The following DRC3 variants were observed in gnomAD, a reference collection of about 807,000 sequenced individuals.
The protein encoded by DRC3 is leucine rich repeat containing 48.
DRC3 carries 45 observed loss-of-function variants against 57.6 expected under a neutral mutation model. The observed-to-expected ratio is 0.78, with a 90% CI of 0.62 to 1.00. The LOEUF (loss-of-function observed/expected upper bound fraction) is 1.00, where lower values mean the gene tolerates loss of function less well. Ranked by LOEUF, DRC3 falls within the 50% of genes least tolerant of loss-of-function variation. The pLI, the probability that DRC3 is intolerant of heterozygous loss-of-function variation, is 0.00. For missense variants in DRC3, 655 were observed against 675.2 expected (o/e 0.97, Z 0.33); for synonymous variants, 257 against 272.3 (o/e 0.94, Z 0.55).
In DRC3 at chr17:18,016,815, T is replaced by C; in HGVS notation, c.*144T>C. 6.2e-6 allele frequency: 3 copies of C among 485,640 alleles called. No homozygotes were observed. The highest frequency in any genetic ancestry group is 1.1e-5 in the Non-Finnish European group (3 of 272,928). The allele number at this position is 485,640 out of a possible 1,614,324, so 30.1% of individuals were successfully genotyped here. A position where few individuals can be genotyped will look rare whatever the true frequency, so the allele number is the denominator to read the frequency against. ...CCCAACACCATTCTTCCCCCACCCC[T>C]GGAAAAACTTCCAAAAGTAGAGAAA... is the stretch of plus-strand genomic sequence containing the variant. On this transcript the variant is annotated 3_prime_UTR_variant, in exon 14 of 14. Transcript: ENST00000399187.
At chr17:17,976,697 A>T (rs896843159) in intron 2 of DRC3, among the ~76,000 whole-genome samples, 9 of 152,150 alleles carry the variant, frequency 5.9e-5, no homozygotes, top group East Asian at 1.9e-4. Flanking sequence ...TAATTAAATT[A>T]AAAAATAACC....
intron 3 of DRC3, chr17:17,981,316 T>G: frequency 4.0e-6 from 1 of 253,140 alleles, no homozygotes; most frequent in Admixed American, 4.1e-5. Flanking sequence ...CAGCACCCTA[T>G]CCCTGCAGAC....
intron 8 of DRC3, among the ~76,000 whole-genome samples, chr17:17,997,139 G>T (rs1377353241): frequency 6.6e-6 from 1 of 152,126 alleles, no homozygotes; most frequent in African/African-American, 2.4e-5. Flanking sequence ...TCTCTTCTGG[G>T]GCCTCTCTGA....
At chr17:18,015,536 A>T (rs1221273435) in intron 12 of DRC3, 1 of 153,336 alleles carries the variant, frequency 6.5e-6, no homozygotes, top group Non-Finnish European at 1.5e-5. Flanking sequence ...AAGAGAAGGC[A>T]GAAGGATACT....
chr17:18,002,757 T>G (rs1205828663), intron 9 of DRC3, among the ~76,000 whole-genome samples: 2 of 152,136 alleles, frequency 1.3e-5, no homozygotes, highest in Non-Finnish European at 2.9e-5. Context: ...GTGAGGAAAC[T>G]GAGTCAGCGA....
chr17:17,980,821 T>G (rs1266568324), intron 3 of DRC3, among the ~76,000 whole-genome samples: 32 of 152,082 alleles, frequency 2.1e-4, no homozygotes, highest in Admixed American at 2.1e-3. Flanking sequence ...TCTCGATCTC[T>G]TGACCTCGTG....
chr17:18,005,416 A>G (rs2043911875), intron 10 of DRC3: 2 of 152,220 alleles, frequency 1.3e-5, no homozygotes, highest in African/African-American at 4.8e-5. Flanking sequence ...ACCCCTGCCC[A>G]CCTTGCAGCC....
chr17:17,988,167 G>A, intron 5 of DRC3, 69 bp downstream of exon 5: 1 of 1,500,470 alleles, frequency 6.7e-7, no homozygotes, highest in Non-Finnish European at 9.0e-7. Flanking sequence ...TTGAGTGGGG[G>A]TCTGTGGCTA....
chr17:17,996,585 C>T (rs1217731543), intron 8 of DRC3, among the ~76,000 whole-genome samples: 3 of 152,144 alleles, frequency 2.0e-5, no homozygotes, highest in Admixed American at 6.5e-5. Flanking sequence ...AGTTACAATT[C>T]AAGATGAGTT....
At chr17:18,001,912 A>G (rs1167805972) in intron 9 of DRC3, among the ~76,000 whole-genome samples, 1 of 151,972 alleles carries the variant, frequency 6.6e-6, no homozygotes, top group African/African-American at 2.4e-5. Flanking sequence ...TATGCATGTA[A>G]TCCCAGCACT....
intron 4 of DRC3, among the ~76,000 whole-genome samples, chr17:17,984,763 C>T (rs1568469192): frequency 6.6e-6 from 1 of 152,172 alleles, no homozygotes; most frequent in South Asian, 2.1e-4. Context: ...CCTCACAGCC[C>T]ACATTCCCTC....
chr17:18,006,967 C>A, intron 11 of DRC3, 57 bp from the exon 12 acceptor site: 1 of 1,606,064 alleles, frequency 6.2e-7, no homozygotes, highest in South Asian at 1.1e-5. Context: ...CGTCTGAGAG[C>A]ATCAGGGACG....
At chr17:17,999,980 G>C (rs778007347) in intron 9 of DRC3, among the ~76,000 whole-genome samples, 25 of 151,704 alleles carry the variant, frequency 1.6e-4, no homozygotes, top group Middle Eastern at 3.4e-3. Flanking sequence ...CTTTGCTTTC[G>C]TGTGTGTGTG....
At chr17:18,010,046 C>T (rs1042310454) in intron 12 of DRC3, among the ~76,000 whole-genome samples, 4 of 152,140 alleles carry the variant, frequency 2.6e-5, no homozygotes, top group Non-Finnish European at 4.4e-5. Flanking sequence ...CGCGGGTATC[C>T]GGCTGCGAGG....
intron 11 of DRC3, chr17:18,006,496 G>C (rs1282975003): frequency 1.8e-6 from 1 of 561,790 alleles, no homozygotes; most frequent in Non-Finnish European, 3.2e-6. Context: ...GACGCCCCCT[G>C]TGTTGCAGGC....
At chr17:18,009,888 CTT>C (rs1770559066) in intron 12 of DRC3, among the ~76,000 whole-genome samples, 1 of 152,186 alleles carries the variant, frequency 6.6e-6, no homozygotes, top group African/African-American at 2.4e-5. Flanking sequence ...GTCCTTCCAG[CTT>C]TGAGAGGAAA....
At chr17:17,999,809 T>C (rs75000772) in intron 9 of DRC3, among the ~76,000 whole-genome samples, 6,201 of 152,344 alleles carry the variant, frequency 0.041, 337 homozygotes, top group East Asian at 0.27. Flanking sequence ...GATGACAGCA[T>C]GTCTGTGTGT....
rs190089238 is a variant in DRC3, at chr17:17,987,186, G to C, written c.278-746G>C. ...ACCGTGATTGCGCCACTGCACTCCA[G>C]TCTGCACAACAGAGCGAGACCCTGT... On this transcript the variant is annotated intron_variant, in intron 4 of 13. Coordinates refer to ENST00000399187, the MANE Select transcript of DRC3 (RefSeq NM_031294.4). 2.5e-4 allele frequency among the ~76,000 whole-genome samples: 32 copies of C among 126,410 alleles called. No individual in the cohort carries two copies. In the Admixed American group the frequency reaches 2.6e-3, roughly 10 times the overall value. 82.9% of individuals were successfully genotyped at this position (126,410 alleles called of 152,430 possible).
intron 3 of DRC3, among the ~76,000 whole-genome samples, chr17:17,982,614 C>T (rs1403291962): frequency 2.1e-5 from 3 of 142,906 alleles, no homozygotes; most frequent in Admixed American, 7.2e-5. Flanking sequence ...GAGTCTCGCT[C>T]TGTCACCTGG....
Sources: gnomAD v4.1 joint callset for allele counts (sites outside exome capture counted in the v4.1 genomes callset) on GRCh38, gnomAD v4.1.1 for gene constraint, MANE v1.5 for transcripts, NCBI Gene and HGNC (gene_info 2026-07-23, HGNC 2026-07-21) for gene names.